PROX1: variants seen among roughly 807,000 people sequenced by gnomAD.
The protein encoded by PROX1 is prospero homeobox 1.
Under a neutral mutation model 58.8 loss-of-function variants are expected in PROX1, and 7 were observed. The observed-to-expected ratio is 0.12, with a 90% confidence interval of 0.07 to 0.22. The LOEUF is 0.22. Among genes scored for constraint, PROX1 ranks in the 10% least tolerant of loss-of-function variants. The pLI is 1.00. For synonymous variants in PROX1, 350 were observed against 358.3 expected (o/e 0.98, Z 0.26); for missense variants, 675 against 927.8 (o/e 0.73, Z 3.54).
At chr1:214,008,464 T>C (rs973600043) in intron 3 of PROX1, among the ~76,000 whole-genome samples, 1 of 151,562 alleles carries the variant, frequency 6.6e-6, no homozygotes, top group Non-Finnish European at 1.5e-5. Flanking sequence ...GCAGAAAATA[T>C]CTTGTTTCCT....
chr1:214,038,140 G>A lies in PROX1; in HGVS notation c.*2306G>A, dbSNP rs1664890190. The A allele has an allele frequency of 6.6e-6, 1 of 152,110 alleles. No homozygotes were observed. The highest frequency in any genetic ancestry group is 1.5e-5 in the Non-Finnish European group (1 of 68,018). The allele number at this position is 152,110 out of a possible 1,614,324, so 9.4% of individuals were successfully genotyped here. On this transcript the variant is annotated 3_prime_UTR_variant, in exon 5 of 5. Coordinates refer to ENST00000366958, the MANE Select transcript of PROX1 (RefSeq NM_001270616.2). ...ATTTAAATAGACAAATTAAGCAAAAGTGTGTGTTCACAACCAAATGTTGAT... is the reference window on the plus strand; with the variant it reads ...ATTTAAATAGACAAATTAAGCAAAAATGTGTGTTCACAACCAAATGTTGAT...
chr1:213,994,797 A>ATC lies in PROX1; in HGVS notation c.-67-1671_-67-1670insCT, dbSNP rs1663192592. ...TATATATATATATATATATATATAT[A>ATC]TATATAAAGAGGTATCATTTTGCTT... On this transcript the variant is annotated intron_variant, in intron 1 of 4. Transcript: ENST00000366958. 3.1e-4 allele frequency among the ~76,000 whole-genome samples: 33 copies of ATC among 104,830 alleles called. 1 individual carries two copies. Among genetic ancestry groups the ATC allele is most frequent in the African/African-American group, 1.2e-3 (33 of 28,210 alleles). The allele number at this position is 104,830 out of a possible 152,430, so 68.8% of individuals were successfully genotyped here.
At chr1:214,023,177 A>G (rs559343771) in intron 4 of PROX1, among the ~76,000 whole-genome samples, 1 of 152,336 alleles carries the variant, frequency 6.6e-6, no homozygotes, top group Non-Finnish European at 1.5e-5. Context: ...TGCCTTGGCC[A>G]GGGTGGCCAA....
Position 214,040,717 on chromosome 1 carries a change from A to G in PROX1, c.*4883A>G, listed in dbSNP as rs1223039009. The G allele has an allele frequency of 6.6e-6, 1 of 152,166 alleles. No individual in the cohort carries two copies. Among genetic ancestry groups the G allele is most frequent in the Non-Finnish European group, 1.5e-5 (1 of 68,008 alleles). The allele number at this position is 152,166 out of a possible 1,614,324, so 9.4% of individuals were successfully genotyped here. ...GTAATAAAGACCCTTTGATTTGAATATAGTACAATAACTGAACTGATAAAG... is the reference window on the plus strand; with the variant it reads ...GTAATAAAGACCCTTTGATTTGAATGTAGTACAATAACTGAACTGATAAAG... On this transcript the variant is annotated 3_prime_UTR_variant, in exon 5 of 5. Coordinates refer to ENST00000366958, the MANE Select transcript of PROX1 (RefSeq NM_001270616.2).
rs1205932509 is a variant in PROX1, at chr1:214,039,704, T to G, written c.*3870T>G. On this transcript the variant is annotated 3_prime_UTR_variant, in exon 5 of 5. Transcript: ENST00000366958. ...TTTTATCAGATGTCAAGGGCAAGGG[T>G]AATGCAGTTTCTGTAAATTTATGAA... The G allele has an allele frequency of 6.6e-6, 1 of 152,188 alleles. No individual in the cohort carries two copies. 9.4% of individuals were successfully genotyped at this position (152,188 alleles called of 1,614,324 possible). A position where few individuals can be genotyped will look rare whatever the true frequency, so the allele number is the denominator to read the frequency against.
rs1195280285 is a variant in PROX1 at position 213,996,742 on chromosome 1, A to C, written c.207A>C (p.Val69=). The change falls in exon 2 of 5, where the codon GTA becomes GTC. Residue 69 remains valine, a synonymous_variant. Transcript: ENST00000366958. ...ATGCAGATGGGGAAAAGTCAAATGT[A>C]CTCCGCAAGCTGCTGAAGAGGGCGA... ...VQHADGEKSN[V]LRKLLKRANS... 6.2e-7 allele frequency: 1 copy of C among 1,614,122 alleles called. No individual in the cohort carries two copies. The highest frequency in any genetic ancestry group is 8.5e-7 in the Non-Finnish European group (1 of 1,180,032).
chr1:213,993,869 A>G (rs1414170527), intron 1 of PROX1, among the ~76,000 whole-genome samples: 1 of 152,246 alleles, frequency 6.6e-6, no homozygotes, highest in Non-Finnish European at 1.5e-5. Context: ...TTTTAGCCCA[A>G]GACAGATACA....
Position 214,039,682 on chromosome 1 carries a change from T to C in PROX1, c.*3848T>C, listed in dbSNP as rs1664943094. The C allele has an allele frequency of 6.6e-6, 1 of 152,210 alleles. No individual in the cohort carries two copies. Among genetic ancestry groups the C allele is most frequent in the Non-Finnish European group, 1.5e-5 (1 of 68,034 alleles). The allele number at this position is 152,210 out of a possible 1,614,324, so 9.4% of individuals were successfully genotyped here. A position where few individuals can be genotyped will look rare whatever the true frequency, so the allele number is the denominator to read the frequency against. ...CCTTTTAAAAGTTAACAATCTCTTT[T>C]ATCAGATGTCAAGGGCAAGGGTAAT... is the stretch of plus-strand genomic sequence containing the variant. On this transcript the variant is annotated 3_prime_UTR_variant, in exon 5 of 5. Transcript: ENST00000366958.
At chr1:213,993,751 T>C (rs1267967274) in intron 1 of PROX1, among the ~76,000 whole-genome samples, 2 of 152,244 alleles carry the variant, frequency 1.3e-5, no homozygotes, top group Non-Finnish European at 2.9e-5. Context: ...ATTAATATAA[T>C]GCCTTGTCCT....
chr1:213,990,992 T>C lies in PROX1; in HGVS notation c.-68+2509T>C, dbSNP rs185800952. 9.2e-5 allele frequency among the ~76,000 whole-genome samples: 14 copies of C among 152,304 alleles called. No individual in the cohort carries two copies. The East Asian group carries it at 2.5e-3, about 27-fold the overall frequency. Reference sequence around the variant, plus strand: ...ATGAGAAGGTAACTGTGCTTTTCTATTCTGATGCAAGATGTGAGAAGTCAG... The same window carrying C: ...ATGAGAAGGTAACTGTGCTTTTCTACTCTGATGCAAGATGTGAGAAGTCAG... On this transcript the variant is annotated intron_variant, in intron 1 of 4. Coordinates refer to ENST00000366958, the MANE Select transcript of PROX1 (RefSeq NM_001270616.2).
intron 4 of PROX1, among the ~76,000 whole-genome samples, chr1:214,016,461 G>C (rs760161510): frequency 6.6e-6 from 1 of 152,150 alleles, no homozygotes. Flanking sequence ...ACATGAGTGA[G>C]AGCCTTTCAC....
At chr1:214,007,933 T>C (rs773316043) in intron 3 of PROX1, among the ~76,000 whole-genome samples, 4 of 152,238 alleles carry the variant, frequency 2.6e-5, no homozygotes, top group South Asian at 2.1e-4. Flanking sequence ...CATGTATCTA[T>C]GGACCATGTA....
chr1:213,986,133 T>A (rs1427014270), upstream of PROX1: 1 of 152,228 alleles, frequency 6.6e-6, no homozygotes, highest in Non-Finnish European at 1.5e-5. Context: ...GTTGATTATT[T>A]CTGCTCCCAG....
intron 4 of PROX1, among the ~76,000 whole-genome samples, chr1:214,015,062 T>C (rs945073084): frequency 6.6e-6 from 1 of 152,194 alleles, no homozygotes; most frequent in African/African-American, 2.4e-5. Flanking sequence ...GTAGAGCTTG[T>C]TCTGCCTTTT....
At position 214,011,632 on chromosome 1, in the gene PROX1, A is replaced by T. The variant is rs1245105393; in HGVS notation, c.1945A>T (p.Ser649Cys). Residue 649 changes from serine (S) to cysteine (C), a missense_variant, in exon 4 of 5, where the codon AGT (serine) becomes TGT (cysteine). By Grantham distance (112) the Ser-to-Cys change is moderately radical (BLOSUM62 -1). Coordinates refer to ENST00000366958, the MANE Select transcript of PROX1 (RefSeq NM_001270616.2). ...TCAAGCCATCAACGATGGGGTCACC[A>T]GTACTGAAGAGCTGTCTATAACCAG... ...ARQAINDGVT[S>C]TEELSITRDC... 6.2e-7 allele frequency: 1 copy of T among 1,614,030 alleles called. No individual in the cohort carries two copies.
rs1189431865 is a variant in PROX1, at chr1:214,037,818, G to GA, written c.*1989dup. On this transcript the variant is annotated 3_prime_UTR_variant, in exon 5 of 5. Transcript: ENST00000366958. ...CATGACATTGGAATAAAGTGGGAAG[G>GA]AAAAATTCCATCAGCACAAAATAGG... 6.6e-6 allele frequency: 1 copy of GA among 152,200 alleles called. No individual in the cohort carries two copies. Among genetic ancestry groups the GA allele is most frequent in the Non-Finnish European group, 1.5e-5 (1 of 68,044 alleles). The allele number at this position is 152,200 out of a possible 1,614,324, so 9.4% of individuals were successfully genotyped here. A position where few individuals can be genotyped will look rare whatever the true frequency, so the allele number is the denominator to read the frequency against.
In PROX1 at chr1:213,990,177, A is replaced by G. The variant is rs544500339; in HGVS notation, c.-68+1694A>G. Among the ~76,000 whole-genome samples the G allele has an allele frequency of 6.0e-5, 9 of 150,628 alleles. No homozygotes were observed. In the East Asian group the frequency reaches 1.8e-3, roughly 30 times the overall value. On this transcript the variant is annotated intron_variant, in intron 1 of 4. Coordinates refer to ENST00000366958, the MANE Select transcript of PROX1 (RefSeq NM_001270616.2). ...AAAGAAAAGAAAAAAAAAAGAACTC[A>G]TTTCCTTTCCTAACCTAGGTAGGCA... is the stretch of plus-strand genomic sequence containing the variant.
At chr1:213,990,007 C>A (rs538118900) in intron 1 of PROX1, among the ~76,000 whole-genome samples, 1 of 151,620 alleles carries the variant, frequency 6.6e-6, no homozygotes. Context: ...TTTATTTTTC[C>A]GAGAAGATCT....
At chr1:213,999,758 C>T (rs1663424498) in intron 2 of PROX1, among the ~76,000 whole-genome samples, 1 of 152,150 alleles carries the variant, frequency 6.6e-6, no homozygotes, top group South Asian at 2.1e-4. Context: ...ATTCAATCCA[C>T]CAGCCATGAA....
Sources: gnomAD v4.1 joint callset for allele counts (sites outside exome capture counted in the v4.1 genomes callset) on GRCh38, gnomAD v4.1.1 for gene constraint, MANE v1.5 for transcripts, NCBI Gene and HGNC (gene_info 2026-07-23, HGNC 2026-07-21) for gene names.